Variants in AGO1 observed in about 807,000 individuals in gnomAD.
AGO1 encodes argonaute RISC component 1.
In AGO1, 11 loss-of-function variants were observed where a neutral mutation model predicts 109.2. The observed-to-expected ratio is 0.10, with a 90% CI of 0.06 to 0.17. AGO1 has a LOEUF of 0.17. AGO1 is among the 10% of genes least tolerant of loss of function. The pLI, the probability that AGO1 is intolerant of heterozygous loss-of-function variation, is 1.00. For missense variants in AGO1, 574 were observed against 1,140.3 expected, an observed-to-expected ratio of 0.50 and a Z score of 7.15; for synonymous variants, 422 against 418.6, an observed-to-expected ratio of 1.01 and a Z score of -0.10.
rs1394623349 is a variant in AGO1 at position 35,918,437 on chromosome 1, A to G, written c.2265+14A>G. 1 of 1,598,838 alleles carries G rather than the reference A, an allele frequency of 6.3e-7. No homozygotes were observed. Among genetic ancestry groups the G allele is most frequent in the Admixed American group, 1.7e-5 (1 of 60,002 alleles). On this transcript the variant is annotated intron_variant, in intron 17 of 18. Transcript: ENST00000373204. ...GCAGGCATCCAGGTAGCTGGGCTTT[A>G]TCTTGTGGTTCCAATGGGTCAAAGA...
In AGO1 at chr1:35,893,346, C is replaced by A; in HGVS notation, c.512+68C>A. 3 of 1,525,076 alleles carry A rather than the reference C, an allele frequency of 2.0e-6. No homozygotes were observed. Among genetic ancestry groups the A allele is most frequent in the South Asian group, 1.2e-5 (1 of 82,236 alleles). The allele number at this position is 1,525,076 out of a possible 1,614,324, so 94.5% of individuals were successfully genotyped here. ...ACTGCTGTCAGGGGAGGAGGGGGAG[C>A]ACATATTAAGGTCCCACAGAGTGCC... On this transcript the variant is annotated intron_variant, in intron 4 of 18. Coordinates refer to ENST00000373204, the MANE Select transcript of AGO1 (RefSeq NM_012199.5). The surrounding 1 kb of genome is among the most constrained non-coding windows in gnomAD (Gnocchi z 5.6).
rs1337671056 is a variant in AGO1, at chr1:35,872,072, A to G, written c.-201+2169A>G. Among the ~76,000 whole-genome samples, 18 of 129,488 alleles carry G rather than the reference A, an allele frequency of 1.4e-4. No homozygotes were observed. The East Asian group carries it at 2.9e-3, about 21-fold the overall frequency. 84.9% of individuals were successfully genotyped at this position (129,488 alleles called of 152,430 possible). A position where few individuals can be genotyped will look rare whatever the true frequency, so the allele number is the denominator to read the frequency against. Reference sequence around the variant, plus strand: ...GCGACAGAGCGAGACTCCATCTCAGAAAAAAAAAAAAAAAAGACTGAAGTG... The same window carrying G: ...GCGACAGAGCGAGACTCCATCTCAGGAAAAAAAAAAAAAAAGACTGAAGTG... On this transcript the variant is annotated intron_variant, in intron 1 of 18. Transcript: ENST00000373206.
intron 12 of AGO1, among the ~76,000 whole-genome samples, chr1:35,910,090 G>T (rs1645605850): frequency 6.7e-6 from 1 of 148,410 alleles, no homozygotes; most frequent in African/African-American, 2.5e-5. Flanking sequence ...ATACCACCTG[G>T]ACAATCTGAC....
At chr1:35,887,630 C>T (rs1261506601) in intron 1 of AGO1, among the ~76,000 whole-genome samples, 1 of 152,118 alleles carries the variant, frequency 6.6e-6, no homozygotes, top group African/African-American at 2.4e-5. Flanking sequence ...CCTCTTCTTC[C>T]CAAACCCGTT....
chr1:35,888,725 T>TTGAAC lies in AGO1; in HGVS notation c.209+116_209+120dup. 8.4e-7 allele frequency: 1 copy of TTGAAC among 1,190,104 alleles called. No individual in the cohort carries two copies. The highest frequency in any genetic ancestry group is 1.2e-6 in the Non-Finnish European group (1 of 864,462). 73.7% of individuals were successfully genotyped at this position (1,190,104 alleles called of 1,614,324 possible). On this transcript the variant is annotated intron_variant, in intron 2 of 18. Transcript: ENST00000373204. This position sits in a 1 kb window ranked among gnomAD's most constrained non-coding sequence, Gnocchi z 4.1. Reference sequence around the variant, plus strand: ...AGTATCACCAAATCTAAGGAAGTTTTTGAACGGGAGATGCCACGTCGGGTA... The same window carrying TTGAAC: ...AGTATCACCAAATCTAAGGAAGTTTTTGAACTGAACGGGAGATGCCACGTCGGGTA...
intron 12 of AGO1, 117 bp from the exon 13 acceptor site, chr1:35,913,725 C>A: frequency 9.6e-7 from 1 of 1,042,552 alleles, no homozygotes; most frequent in South Asian, 1.7e-5. Context: ...AGAGTAAGGA[C>A]CTTATGTGTT....
intron 1 of AGO1, among the ~76,000 whole-genome samples, chr1:35,886,105 G>T (rs868853605): frequency 9.8e-5 from 15 of 152,316 alleles, no homozygotes; most frequent in Middle Eastern, 6.8e-3. Context: ...GCTCCTTGGG[G>T]ATGGGGGAGG....
chr1:35,917,411 C>T (rs1040380264), intron 15 of AGO1, among the ~76,000 whole-genome samples, 182 bp from the exon 16 acceptor site: 3 of 152,164 alleles, frequency 2.0e-5, no homozygotes, highest in African/African-American at 7.2e-5. Flanking sequence ...ATTAAGTGAA[C>T]TGAGCATAAG....
chr1:35,914,659 ATAGAT>A (rs1645703228), intron 14 of AGO1, among the ~76,000 whole-genome samples: 1 of 152,146 alleles, frequency 6.6e-6, no homozygotes, highest in South Asian at 2.1e-4. Flanking sequence ...GATCTGTATA[ATAGAT>A]TAGATGTTTC....
At chr1:35,900,993 T>C (rs529078595) in intron 8 of AGO1, among the ~76,000 whole-genome samples, 1 of 152,042 alleles carries the variant, frequency 6.6e-6, no homozygotes, top group East Asian at 1.9e-4. Flanking sequence ...CTTTTTTTTT[T>C]TTTTTTGAGA....
In AGO1 at chr1:35,883,449, A is replaced by G; in HGVS notation, c.25+3A>G. On this transcript the variant is annotated splice_donor_region_variant and intron_variant, in intron 1 of 18. Coordinates refer to ENST00000373204, the MANE Select transcript of AGO1 (RefSeq NM_012199.5). This position sits in a 1 kb window ranked among gnomAD's most constrained non-coding sequence, Gnocchi z 5.4. ...GGAAGCGGGACCCTCGGGAGCAGGT[A>G]AGGGTCCCCAGGAGGGGGAACGGTG... 6.4e-7 allele frequency: 1 copy of G among 1,560,328 alleles called. No homozygotes were observed. The highest frequency in any genetic ancestry group is 8.6e-7 in the Non-Finnish European group (1 of 1,158,450).
chr1:35,904,848 AGT>A (rs1645490177), intron 11 of AGO1, among the ~76,000 whole-genome samples: 1 of 152,216 alleles, frequency 6.6e-6, no homozygotes, highest in Non-Finnish European at 1.5e-5. Context: ...AAAGTCCCTA[AGT>A]GTGGATGAGG....
At chr1:35,904,222 C>T (rs1263871377) in intron 11 of AGO1, among the ~76,000 whole-genome samples, 1 of 150,714 alleles carries the variant, frequency 6.6e-6, no homozygotes, top group Admixed American at 6.6e-5. Context: ...TCTCCTGCCT[C>T]AGCCTCCCAA....
rs974677447 is a variant in AGO1, at chr1:35,893,665, C to T, written c.513-9C>T. 7.5e-6 allele frequency: 12 copies of T among 1,607,208 alleles called. No individual in the cohort carries two copies. Among genetic ancestry groups the T allele is most frequent in the Non-Finnish European group, 1.0e-5 (12 of 1,175,992 alleles). ...CCCGAGGGACCAGTTCTCTGCCTGT[C>T]CCTGCCAGGTACACCCCTGTGGGCC... On this transcript the variant is annotated splice_polypyrimidine_tract_variant and intron_variant, in intron 4 of 18. Transcript: ENST00000373204. The surrounding 1 kb of genome is among the most constrained non-coding windows in gnomAD (Gnocchi z 5.6).
rs141089342 is a variant in AGO1 at position 35,923,173 on chromosome 1, C to T, written c.*3566C>T. On this transcript the variant is annotated 3_prime_UTR_variant, in exon 19 of 19. Coordinates refer to ENST00000373204, the MANE Select transcript of AGO1 (RefSeq NM_012199.5). ...CTGGGAACTTAGGCTTAACATAAAGCCGAAGAAGGTACCTAGAAATTTGAA... is the reference window on the plus strand; with the variant it reads ...CTGGGAACTTAGGCTTAACATAAAGTCGAAGAAGGTACCTAGAAATTTGAA... The T allele has an allele frequency of 3.9e-4, 60 of 152,272 alleles. No individual in the cohort carries two copies. Among genetic ancestry groups the T allele is most frequent in the African/African-American group, 1.4e-3 (58 of 41,530 alleles). 9.4% of individuals were successfully genotyped at this position (152,272 alleles called of 1,614,324 possible).
intron 12 of AGO1, 129 bp downstream of exon 12, chr1:35,907,248 C>T (rs1282887775): frequency 1.1e-5 from 9 of 809,862 alleles, no homozygotes; most frequent in Non-Finnish European, 1.6e-5. Context: ...GTCAGTGCTC[C>T]TCTTATAGGA....
chr1:35,893,755 C>T lies in AGO1; in HGVS notation c.594C>T (p.Phe198=). ...HPLGGGREVW[F]GFHQSVRPAM... ...TGGGGGGTGGGCGCGAGGTCTGGTT[C>T]GGCTTTCACCAGTCTGTGCGCCCTG... Residue 198 remains phenylalanine (F), a synonymous_variant, in exon 5 of 19, where the codon TTC becomes TTT. Transcript: ENST00000373204. This position sits in a 1 kb window ranked among gnomAD's most constrained non-coding sequence, Gnocchi z 5.6. 1 of 1,614,016 alleles carries T rather than the reference C, an allele frequency of 6.2e-7. No individual in the cohort carries two copies. The highest frequency in any genetic ancestry group is 1.3e-5 in the African/African-American group (1 of 75,048).
chr1:35,895,311 T>C, intron 8 of AGO1, 42 bp downstream of exon 8: 1 of 1,572,060 alleles, frequency 6.4e-7, no homozygotes, highest in African/African-American at 1.4e-5. Context: ...GCATTGTATA[T>C]ACCTGCATGC....
chr1:35,913,811 A>C, intron 12 of AGO1, 31 bp from the exon 13 acceptor site: 1 of 1,606,264 alleles, frequency 6.2e-7, no homozygotes, highest in Non-Finnish European at 8.5e-7. Context: ...TATTTGTTGA[A>C]TGCACTAATC....
Sources: gnomAD v4.1 joint callset for allele counts (sites outside exome capture counted in the v4.1 genomes callset) on GRCh38, gnomAD v4.1.1 for gene constraint, Gnocchi (gnomAD v3.1) non-coding constraint, MANE v1.5 for transcripts, NCBI Gene and HGNC (gene_info 2026-07-23, HGNC 2026-07-21) for gene names.